The following ASTN2 variants were observed in gnomAD, a reference collection of about 807,000 sequenced individuals.
ASTN2 encodes astrotactin 2, also known as astrotactin-2.
In ASTN2, 54 loss-of-function variants were observed where a neutral mutation model predicts 139.8. The ratio of observed to expected loss-of-function variants is 0.39; its 90% CI spans 0.31 to 0.48. ASTN2 has a LOEUF of 0.48. ASTN2 is among the 20% of genes least tolerant of loss of function. The pLI, the probability that ASTN2 is intolerant of heterozygous loss-of-function variation, is 0.95. For synonymous variants in ASTN2, 756 were observed against 719.5 expected (o/e 1.05, Z -0.81); for missense variants, 1,565 against 1,725.1 (o/e 0.91, Z 1.64).
intron 13 of ASTN2, among the ~76,000 whole-genome samples, chr9:116,803,138 C>G (rs1830912230): frequency 6.6e-6 from 1 of 151,946 alleles, no homozygotes; most frequent in Admixed American, 6.6e-5. Context: ...AGGAATAATT[C>G]CTTTATTTTT....
At chr9:116,921,952 C>T (rs1313536046) in intron 10 of ASTN2, among the ~76,000 whole-genome samples, 3 of 152,128 alleles carry the variant, frequency 2.0e-5, no homozygotes, top group African/African-American at 4.8e-5. Context: ...ATCAGGGCCC[C>T]ACATCCAGCT....
At chr9:117,029,475 T>C (rs1440839855) in intron 6 of ASTN2, among the ~76,000 whole-genome samples, 1 of 152,098 alleles carries the variant, frequency 6.6e-6, no homozygotes, top group Non-Finnish European at 1.5e-5. Flanking sequence ...CTTGGGATAC[T>C]TGTGTGCCCA....
chr9:116,473,279 G>A (rs1848873684), intron 20 of ASTN2, among the ~76,000 whole-genome samples: 1 of 152,164 alleles, frequency 6.6e-6, no homozygotes, highest in Non-Finnish European at 1.5e-5. Flanking sequence ...CCTACTAAGT[G>A]CCAGGCCATA....
chr9:116,624,088 ACTTGTAAACG>A (rs1856316100), intron 17 of ASTN2, among the ~76,000 whole-genome samples: 8 of 152,104 alleles, frequency 5.3e-5, no homozygotes, highest in Admixed American at 5.2e-4. Flanking sequence ...CATTTCCATG[ACTTGTAAACG>A]CTTCCAACTT....
intron 1 of ASTN2, among the ~76,000 whole-genome samples, chr9:117,383,860 C>A (rs1830330415): frequency 6.6e-6 from 1 of 152,190 alleles, no homozygotes; most frequent in Non-Finnish European, 1.5e-5. Context: ...GCTCAGCTCC[C>A]TTCTATCAAT....
intron 3 of ASTN2, among the ~76,000 whole-genome samples, chr9:117,143,923 C>T (rs1199919924): frequency 6.6e-6 from 1 of 152,172 alleles, no homozygotes; most frequent in African/African-American, 2.4e-5. Flanking sequence ...AAGATCCTAT[C>T]TCCAGACACA....
chr9:117,134,138 C>A (rs1251927684), intron 4 of ASTN2, among the ~76,000 whole-genome samples: 1 of 151,200 alleles, frequency 6.6e-6, no homozygotes. Flanking sequence ...AAAGGAAGAT[C>A]AATCCTGGGA....
rs561596273 is a variant in ASTN2, at chr9:116,431,009, C to G, written c.3783-4921G>C. 3.3e-4 allele frequency among the ~76,000 whole-genome samples: 50 copies of G among 152,258 alleles called. No individual in the cohort carries two copies. The South Asian group carries it at 4.4e-3, about 13-fold the overall frequency. On this transcript the variant is annotated intron_variant, in intron 22 of 22. Transcript: ENST00000313400. ...TTCCTCATTGGAGATAGGACTCAGA[C>G]CCACTGGGATAGGAAGCAAGAGGTG...
intron 11 of ASTN2, among the ~76,000 whole-genome samples, chr9:116,835,901 C>T (rs1831975334): frequency 6.6e-6 from 1 of 152,156 alleles, no homozygotes; most frequent in Non-Finnish European, 1.5e-5. Context: ...ATCCTCTAGC[C>T]TCAGCCTCCT....
intron 2 of ASTN2, among the ~76,000 whole-genome samples, chr9:117,288,963 A>T (rs1417979734): frequency 6.6e-6 from 1 of 152,214 alleles, no homozygotes; most frequent in Admixed American, 6.5e-5. Flanking sequence ...CATAACTATT[A>T]GTATAATCCT....
intron 1 of ASTN2, among the ~76,000 whole-genome samples, chr9:117,411,872 A>T (rs1418654796): frequency 6.6e-6 from 1 of 152,210 alleles, no homozygotes; most frequent in Non-Finnish European, 1.5e-5. Context: ...AACTCGCCAG[A>T]GACAAACGTT....
chr9:116,715,342 G>C (rs1395582891), intron 16 of ASTN2, among the ~76,000 whole-genome samples: 1 of 152,140 alleles, frequency 6.6e-6, no homozygotes, highest in Non-Finnish European at 1.5e-5. Context: ...TTCCCTAGGA[G>C]CACTGAGGGG....
chr9:116,812,463 C>T (rs985626543), intron 12 of ASTN2, among the ~76,000 whole-genome samples: 1 of 152,164 alleles, frequency 6.6e-6, no homozygotes, highest in Admixed American at 6.5e-5. Context: ...AATGCAGATG[C>T]TCCCTAGCAG....
At chr9:116,986,737 A>G (rs1353574858) in intron 7 of ASTN2, among the ~76,000 whole-genome samples, 1 of 152,208 alleles carries the variant, frequency 6.6e-6, no homozygotes, top group Non-Finnish European at 1.5e-5. Flanking sequence ...TGAAGGTCAC[A>G]AAGTCAAGTG....
At chr9:116,730,900 A>G (rs1828759811) in intron 14 of ASTN2, among the ~76,000 whole-genome samples, 1 of 152,214 alleles carries the variant, frequency 6.6e-6, no homozygotes, top group African/African-American at 2.4e-5. Context: ...CATGCCTGAA[A>G]TAAAAGCTTC....
chr9:117,408,276 C>T (rs1831061257), intron 1 of ASTN2, among the ~76,000 whole-genome samples: 3 of 152,008 alleles, frequency 2.0e-5, no homozygotes, highest in Admixed American at 2.0e-4. Flanking sequence ...TAGAAAGAGG[C>T]AGTGTGGGCT....
intron 5 of ASTN2, among the ~76,000 whole-genome samples, chr9:117,075,259 CA>C (rs1828248355): frequency 6.6e-6 from 1 of 152,168 alleles, no homozygotes; most frequent in Admixed American, 6.5e-5. Flanking sequence ...GCCCCTCTGA[CA>C]AATGCTCCAG....
intron 4 of ASTN2, among the ~76,000 whole-genome samples, chr9:117,113,456 G>A (rs1370251731): frequency 2.6e-5 from 4 of 152,150 alleles, no homozygotes. Flanking sequence ...AGAAGTTCAA[G>A]ACCAGCCTGG....
chr9:117,063,015 A>G (rs1443427156), intron 5 of ASTN2, among the ~76,000 whole-genome samples: 1 of 152,230 alleles, frequency 6.6e-6, no homozygotes, highest in Non-Finnish European at 1.5e-5. Flanking sequence ...TAGCCTCGGA[A>G]GCTAACCAAC....
Sources: allele counts gnomAD v4.1 joint callset (sites outside exome capture counted in the v4.1 genomes callset), GRCh38; gene constraint gnomAD v4.1.1; transcripts MANE v1.5; gene names NCBI Gene and HGNC (gene_info 2026-07-23, HGNC 2026-07-21).